The following FBXL7 variants were observed in gnomAD, a reference collection of about 807,000 sequenced individuals.
FBXL7 encodes the protein F-box/LRR-repeat protein 7.
FBXL7 carries 12 observed loss-of-function variants against 38.3 expected under a neutral mutation model. The ratio of observed to expected loss-of-function variants is 0.31; its 90% CI spans 0.20 to 0.51. The LOEUF (loss-of-function observed/expected upper bound fraction) is 0.51. Among genes scored for constraint, FBXL7 ranks in the 20% least tolerant of loss-of-function variants. The probability of loss-of-function intolerance (pLI) is 0.98; values close to 1 mark genes in which losing one functional copy is unlikely to be tolerated. For missense variants in FBXL7, 567 were observed against 676.4 expected, an observed-to-expected ratio of 0.84 and a Z score of 1.79; for synonymous variants, 297 against 300.9, an observed-to-expected ratio of 0.99 and a Z score of 0.13.
chr5:15,935,296 G>A (rs564263403), intron 3 of FBXL7: 1 of 446,976 alleles, frequency 2.2e-6, no homozygotes, highest in Non-Finnish European at 4.5e-6. Flanking sequence ...AAGACACCTC[G>A]GGCAGATAGG....
chr5:15,614,231 G>C (rs1243951562), intron 1 of FBXL7, among the ~76,000 whole-genome samples: 1 of 151,742 alleles, frequency 6.6e-6, no homozygotes, highest in Non-Finnish European at 1.5e-5. Flanking sequence ...ATAACTAGTT[G>C]GTCATTAGCA....
At chr5:15,571,022 G>T (rs1299733580) in intron 1 of FBXL7, among the ~76,000 whole-genome samples, 1 of 151,114 alleles carries the variant, frequency 6.6e-6, no homozygotes, top group Non-Finnish European at 1.5e-5. Context: ...AACCTGGGAG[G>T]CAGAGTTTGC....
chr5:15,924,212 A>G (rs557685961), intron 2 of FBXL7, among the ~76,000 whole-genome samples: 1 of 152,366 alleles, frequency 6.6e-6, no homozygotes, highest in African/African-American at 2.4e-5. Flanking sequence ...AAAGGGAAGT[A>G]CGATTTCTTT....
At chr5:15,664,382 G>T (rs1742199393) in intron 2 of FBXL7, among the ~76,000 whole-genome samples, 1 of 149,758 alleles carries the variant, frequency 6.7e-6, no homozygotes, top group African/African-American at 2.5e-5. Context: ...AATAAGAAAA[G>T]TATCTTTAGT....
chr5:15,582,128 G>A (rs1739164076), intron 1 of FBXL7, among the ~76,000 whole-genome samples: 1 of 152,022 alleles, frequency 6.6e-6, no homozygotes, highest in African/African-American at 2.4e-5. Flanking sequence ...TAGTAGAGAT[G>A]GGGCTTTGCC....
chr5:15,667,908 C>A (rs1742338994), intron 2 of FBXL7, among the ~76,000 whole-genome samples: 2 of 152,134 alleles, frequency 1.3e-5, no homozygotes, highest in African/African-American at 4.8e-5. Context: ...GTTGTGTGGC[C>A]TTGAATCACC....
intron 2 of FBXL7, among the ~76,000 whole-genome samples, chr5:15,784,556 T>G (rs1018500403): frequency 3.3e-5 from 5 of 151,474 alleles, no homozygotes; most frequent in African/African-American, 4.9e-5. Flanking sequence ...TGAGGCCTGG[T>G]GGGAGGTGGG....
chr5:15,871,333 G>A (rs1054035369), intron 2 of FBXL7, among the ~76,000 whole-genome samples: 45 of 152,164 alleles, frequency 3.0e-4, no homozygotes, highest in African/African-American at 1.0e-3. Context: ...ATAAATCCAC[G>A]AAGATGAGGA....
At chr5:15,695,707 C>T (rs116789514) in intron 2 of FBXL7, among the ~76,000 whole-genome samples, 2,060 of 152,162 alleles carry the variant, frequency 0.014, 46 homozygotes, top group African/African-American at 0.047. Flanking sequence ...CTGAAGTAGG[C>T]TTTATTATCT....
chr5:15,913,456 G>A (rs902974252), intron 2 of FBXL7, among the ~76,000 whole-genome samples: 1 of 152,078 alleles, frequency 6.6e-6, no homozygotes, highest in Non-Finnish European at 1.5e-5. Flanking sequence ...CTTTTACATG[G>A]TCGTAAGTTT....
chr5:15,883,122 ATAT>A (rs1156982082), intron 2 of FBXL7, among the ~76,000 whole-genome samples: 1 of 152,182 alleles, frequency 6.6e-6, no homozygotes, highest in Non-Finnish European at 1.5e-5. Context: ...TTATCATCAT[ATAT>A]TATTGTGTAC....
intron 1 of FBXL7, among the ~76,000 whole-genome samples, chr5:15,507,266 T>C (rs1736673807): frequency 6.6e-6 from 1 of 152,116 alleles, no homozygotes; most frequent in African/African-American, 2.4e-5. Flanking sequence ...GTGATACTGT[T>C]CCACTGTTAG....
Position 15,559,989 on chromosome 5 carries a change from A to G in FBXL7, c.38-55994A>G, listed in dbSNP as rs190317505. ...TATCCCTGGCACCTACACTTACGGC[A>G]TGATTGTTAGGTACATGCCTCAACA... On this transcript the variant is annotated intron_variant, in intron 1 of 3. Coordinates refer to ENST00000504595, the MANE Select transcript of FBXL7 (RefSeq NM_012304.5). Among the ~76,000 whole-genome samples, 53 of 152,358 alleles carry G rather than the reference A, an allele frequency of 3.5e-4. No individual in the cohort carries two copies. In the Middle Eastern group the frequency reaches 0.014, roughly 39 times the overall value.
chr5:15,832,074 A>G (rs138904475), intron 2 of FBXL7, among the ~76,000 whole-genome samples: 26 of 152,300 alleles, frequency 1.7e-4, no homozygotes, highest in South Asian at 2.1e-4. Context: ...GACTCTGGTT[A>G]ATGGAACCTA....
At chr5:15,862,426 TA>T (rs1330183594) in intron 2 of FBXL7, among the ~76,000 whole-genome samples, 1 of 152,196 alleles carries the variant, frequency 6.6e-6, no homozygotes, top group Admixed American at 6.5e-5. Flanking sequence ...ATCAACAGCA[TA>T]AAAACAGACT....
At position 15,766,043 on chromosome 5, in the gene FBXL7, T is replaced by TCTACCTAC. The variant is rs140480289; in HGVS notation, c.127+149995_127+150002dup. ...GTCTGTCTGTCTGTCTGTCTGTCTA[T>TCTACCTAC]CTACCTACCTACCTACCTACCTACC... On this transcript the variant is annotated intron_variant, in intron 2 of 3. Transcript: ENST00000504595. Among the ~76,000 whole-genome samples the TCTACCTAC allele has an allele frequency of 9.9e-3, 1,451 of 147,252 alleles. 30 individuals are homozygous for TCTACCTAC. The highest frequency in any genetic ancestry group is 0.035 in the African/African-American group (1,377 of 39,896).
chr5:15,680,670 A>G (rs1367270607), intron 2 of FBXL7, among the ~76,000 whole-genome samples: 1 of 152,220 alleles, frequency 6.6e-6, no homozygotes, highest in African/African-American at 2.4e-5. Context: ...CAGTTACGTC[A>G]TGAGTGTGAG....
chr5:15,905,007 A>C (rs951551501), intron 2 of FBXL7, among the ~76,000 whole-genome samples: 2 of 152,188 alleles, frequency 1.3e-5, no homozygotes, highest in Non-Finnish European at 2.9e-5. Flanking sequence ...TAAAAGCAAA[A>C]GTTGTTCTTT....
At chr5:15,895,633 C>CCT in intron 2 of FBXL7, among the ~76,000 whole-genome samples, 1 of 98,060 alleles carries the variant, frequency 1.0e-5, no homozygotes, top group Non-Finnish European at 2.0e-5. Flanking sequence ...CTTTTTCATA[C>CCT]TTTTTTTTTT....
Sources: allele counts gnomAD v4.1 joint callset (sites outside exome capture counted in the v4.1 genomes callset), GRCh38; gene constraint gnomAD v4.1.1; transcripts MANE v1.5; gene names NCBI Gene and HGNC (gene_info 2026-07-23, HGNC 2026-07-21).